The following AMPD3 variants were observed in gnomAD, a reference collection of about 807,000 sequenced individuals.
AMPD3 encodes adenosine monophosphate deaminase 3, also known as AMP deaminase 3.
AMPD3 carries 57 observed loss-of-function variants against 82.3 expected under a neutral mutation model. The observed-to-expected ratio is 0.69, with a 90% CI of 0.56 to 0.86. The LOEUF is 0.86. Ranked by LOEUF, AMPD3 falls within the 40% of genes least tolerant of loss-of-function variation. The pLI, the probability that AMPD3 is intolerant of heterozygous loss-of-function variation, is 0.00. For missense variants in AMPD3, 870 were observed against 1,003.8 expected (o/e 0.87, Z 1.80); for synonymous variants, 381 against 394.7 (o/e 0.97, Z 0.41).
intron 2 of AMPD3, among the ~76,000 whole-genome samples, 194 bp downstream of exon 2, chr11:10,461,934 G>C (rs372986184): frequency 6.6e-6 from 1 of 152,086 alleles, no homozygotes. Context: ...GCACTGAAAA[G>C]ATCAAAACCC....
chr11:10,461,153 G>A, intron 1 of AMPD3: 1 of 1,205,628 alleles, frequency 8.3e-7, no homozygotes, highest in Non-Finnish European at 1.0e-6. Context: ...GTCTGGAGGA[G>A]GGAGAGCTGA....
Position 10,504,636 on chromosome 11 carries a change from C to A in AMPD3, c.2104C>A (p.Leu702Met), listed in dbSNP as rs1181855276. 3 of 1,614,192 alleles carry A rather than the reference C, an allele frequency of 1.9e-6. No homozygotes were observed. In the South Asian group the frequency reaches 3.3e-5, roughly 18 times the overall value. The change falls in exon 14 of 15, where the codon CTG becomes ATG. Residue 702 changes from leucine to methionine, a missense_variant. By Grantham distance (15) the Leu-to-Met change is conservative. Coordinates refer to ENST00000396553, the MANE Select transcript of AMPD3 (RefSeq NM_001025389.2). ...GTGTGAGATCGCCAGGAACAGCGTG[C>A]TGCAGAGCGGCCTCTCGCATCAGGT... ...DLCEIARNSV[L>M]QSGLSHQEKQ...
intron 2 of AMPD3, among the ~76,000 whole-genome samples, chr11:10,475,438 C>A (rs1848711412): frequency 1.3e-5 from 2 of 152,132 alleles, no homozygotes; most frequent in Admixed American, 6.5e-5. Flanking sequence ...CACTTACGCC[C>A]ACACGCCCAC....
chr11:10,489,611 A>C (rs1185053651), intron 6 of AMPD3, among the ~76,000 whole-genome samples: 1 of 151,922 alleles, frequency 6.6e-6, no homozygotes, highest in African/African-American at 2.4e-5. Context: ...GTCCATAAAC[A>C]TGGGCGCAGG....
At chr11:10,453,052 C>T (rs191866738), upstream of AMPD3, among the ~76,000 whole-genome samples, 231 of 152,284 alleles carry the variant, frequency 1.5e-3, no homozygotes, top group Non-Finnish European at 2.8e-3. Flanking sequence ...CGGGTTCAAG[C>T]GATTCTCCTG....
rs1848101476 is a variant in AMPD3, at chr11:10,456,595, G to A, written c.-6+1147G>A. 1.0e-6 allele frequency: 1 copy of A among 985,358 alleles called. No individual in the cohort carries two copies. Among genetic ancestry groups the A allele is most frequent in the South Asian group, 4.7e-5 (1 of 21,298 alleles). 61.0% of individuals were successfully genotyped at this position (985,358 alleles called of 1,614,324 possible). On this transcript the variant is annotated intron_variant, in intron 1 of 14. Transcript: ENST00000396553. This position sits in a 1 kb window ranked among gnomAD's most constrained non-coding sequence, Gnocchi z 4.3. Reference sequence around the variant, plus strand: ...GGGACACTTCTTCAAGTTCATCAGAGCGTGTTGCATGTAACAGTGAGATAA... The same window carrying A: ...GGGACACTTCTTCAAGTTCATCAGAACGTGTTGCATGTAACAGTGAGATAA...
At chr11:10,461,126 A>G (rs189945535) in intron 1 of AMPD3, 8 of 1,193,634 alleles carry the variant, frequency 6.7e-6, no homozygotes, top group African/African-American at 4.8e-5. Context: ...TGTTGCAGCT[A>G]TAACAGTATC....
intron 9 of AMPD3, chr11:10,496,250 G>A (rs1849396447): frequency 2.0e-6 from 2 of 985,378 alleles, no homozygotes; most frequent in South Asian, 4.7e-5. Flanking sequence ...AAATATAGAT[G>A]TGCAAAGGCC....
At chr11:10,505,587 C>A (rs1244510612) in intron 14 of AMPD3, 121 bp from the exon 15 acceptor site, 5 of 1,521,206 alleles carry the variant, frequency 3.3e-6, no homozygotes, top group Non-Finnish European at 4.4e-6. Flanking sequence ...GATGTCCTGA[C>A]CAAAGATCTG....
chr11:10,478,727 C>A lies in AMPD3; in HGVS notation c.423C>A (p.Ala141=). Residue 141 remains alanine, a synonymous_variant, in exon 3 of 15, where the codon GCC becomes GCA. Coordinates refer to ENST00000396553, the MANE Select transcript of AMPD3 (RefSeq NM_001025389.2). ...QRVTISGDYC[A]GITLEDYEQA... ...TCACCATCAGCGGAGATTACTGTGC[C>A]GGGGTAAGGCGTCTGTGAGAGTGTT... 1.2e-6 allele frequency: 2 copies of A among 1,611,514 alleles called. No individual in the cohort carries two copies. Among genetic ancestry groups the A allele is most frequent in the Non-Finnish European group, 1.7e-6 (2 of 1,180,012 alleles).
chr11:10,460,241 G>T (rs1459959696), intron 1 of AMPD3, among the ~76,000 whole-genome samples: 1 of 151,424 alleles, frequency 6.6e-6, no homozygotes, highest in Non-Finnish European at 1.5e-5. Context: ...GGGATTACAG[G>T]CATGCATCAC....
upstream of AMPD3, chr11:10,450,477 C>T (rs897454913): frequency 8.1e-6 from 8 of 985,548 alleles, no homozygotes; most frequent in African/African-American, 1.0e-4. Context: ...CCCAGAGTCT[C>T]GCGCTGGGAA....
Position 10,495,698 on chromosome 11 carries a change from C to T in AMPD3, c.1395C>T (p.Pro465=), listed in dbSNP as rs1849374557. Residue 465 remains proline (P), a synonymous_variant, in exon 9 of 15, where the codon CCC becomes CCT. Transcript: ENST00000396553. ...YWFIQHKVYS[P]NMRWIIQVPR... ...TCATCCAGCACAAGGTCTACTCTCCCAACATGCGCTGGATCATCCAGGTGC... is the reference window on the plus strand; with the variant it reads ...TCATCCAGCACAAGGTCTACTCTCCTAACATGCGCTGGATCATCCAGGTGC... 4 of 1,614,018 alleles carry T rather than the reference C, an allele frequency of 2.5e-6. No homozygotes were observed. Among genetic ancestry groups the T allele is most frequent in the Non-Finnish European group, 3.4e-6 (4 of 1,180,034 alleles).
chr11:10,493,602 C>A (rs1849303904), intron 7 of AMPD3, 59 bp downstream of exon 7: 1 of 1,580,624 alleles, frequency 6.3e-7, no homozygotes, highest in Non-Finnish European at 8.6e-7. Flanking sequence ...GGGGACTCAG[C>A]CCCCTGGAAA....
At chr11:10,497,822 C>T (rs1849463078) in intron 10 of AMPD3, 1 of 985,188 alleles carries the variant, frequency 1.0e-6, no homozygotes, top group African/African-American at 1.7e-5. Context: ...TTCTGCCTGG[C>T]CTGGTCAGAC....
chr11:10,501,984 C>A (rs1429445346), intron 12 of AMPD3: 1 of 985,314 alleles, frequency 1.0e-6, no homozygotes, highest in Non-Finnish European at 1.2e-6. Context: ...AATATCTATG[C>A]TCCTTTTTCC....
At chr11:10,451,019 G>C (rs1184916538), upstream of AMPD3, 2 of 1,581,638 alleles carry the variant, frequency 1.3e-6, no homozygotes, top group Non-Finnish European at 1.7e-6. Context: ...TTCGGCCGGC[G>C]GCATGGCCCT....
chr11:10,457,360 G>C (rs897721457), intron 1 of AMPD3, among the ~76,000 whole-genome samples: 2 of 152,162 alleles, frequency 1.3e-5, no homozygotes, highest in East Asian at 1.9e-4. Flanking sequence ...AAACAAAAAG[G>C]GTTCTGTATG....
At chr11:10,493,766 C>T (rs1311228039) in intron 7 of AMPD3, 1 of 612,808 alleles carries the variant, frequency 1.6e-6, no homozygotes, top group Non-Finnish European at 2.9e-6. Flanking sequence ...GGTCTAAGCA[C>T]TAATCCCACT....
Sources: allele counts gnomAD v4.1 joint callset (sites outside exome capture counted in the v4.1 genomes callset), GRCh38; gene constraint gnomAD v4.1.1; non-coding constraint Gnocchi (gnomAD v3.1); transcripts MANE v1.5; gene names NCBI Gene and HGNC (gene_info 2026-07-23, HGNC 2026-07-21).